The following LRRIQ3 variants were observed in gnomAD, a reference collection of about 807,000 sequenced individuals.
LRRIQ3 encodes leucine rich repeats and IQ motif containing 3.
In LRRIQ3, 75 loss-of-function variants were observed where a neutral mutation model predicts 59.3. The observed-to-expected ratio is 1.26, with a 90% confidence interval of 1.05 to 1.53. The LOEUF is 1.53. LRRIQ3 is among the 40% of genes most tolerant of loss of function. The probability of loss-of-function intolerance (pLI) is 0.00; values close to 1 mark genes in which losing one functional copy is unlikely to be tolerated. For synonymous variants in LRRIQ3, 250 were observed against 231.3 expected (o/e 1.08, Z -0.73); for missense variants, 831 against 710.0 (o/e 1.17, Z -1.94).
chr1:74,090,558 T>C (rs528463593), intron 5 of LRRIQ3, among the ~76,000 whole-genome samples: 1 of 151,990 alleles, frequency 6.6e-6, no homozygotes, highest in South Asian at 2.1e-4. Context: ...AAAATATAAA[T>C]TTGGACTAAT....
intron 5 of LRRIQ3, among the ~76,000 whole-genome samples, chr1:74,081,122 T>C (rs1646269348): frequency 6.6e-6 from 1 of 151,574 alleles, no homozygotes; most frequent in African/African-American, 2.4e-5. Context: ...TCTTACTTTA[T>C]CTTAAGAGAG....
intron 6 of LRRIQ3, among the ~76,000 whole-genome samples, chr1:74,073,607 C>T (rs1338019312): frequency 2.3e-5 from 1 of 43,244 alleles, no homozygotes; most frequent in Non-Finnish European, 7.7e-5. Flanking sequence ...ACAGTCCATT[C>T]TTTAAAAAAA....
At chr1:74,189,179 C>T (rs1650596174) in intron 1 of LRRIQ3, among the ~76,000 whole-genome samples, 1 of 152,074 alleles carries the variant, frequency 6.6e-6, no homozygotes. Context: ...TTGACCTGTC[C>T]TCTCCATGTC....
intron 6 of LRRIQ3, among the ~76,000 whole-genome samples, chr1:74,065,850 G>A (rs1227993587): frequency 6.6e-6 from 1 of 152,042 alleles, no homozygotes; most frequent in Non-Finnish European, 1.5e-5. Context: ...TCAGGTTAAC[G>A]TTGAAGCATT....
chr1:74,138,919 C>T lies in LRRIQ3; in HGVS notation c.707+16814G>A, dbSNP rs372164730. ...ATAGGAGAGTGGCTGGGCGTGGTGG[C>T]TCATGCCTGTAATATGTCACTTTGG... On this transcript the variant is annotated intron_variant, in intron 4 of 7. Transcript: ENST00000354431. Among the ~76,000 whole-genome samples, 32 of 151,738 alleles carry T rather than the reference C, an allele frequency of 2.1e-4. No homozygotes were observed. The East Asian group carries it at 5.3e-3, about 25-fold the overall frequency.
intron 5 of LRRIQ3, among the ~76,000 whole-genome samples, chr1:74,075,397 T>A (rs2100481654): frequency 6.6e-6 from 1 of 152,012 alleles, no homozygotes; most frequent in Non-Finnish European, 1.5e-5. Context: ...CGAAACCCTG[T>A]CTCTACTAAA....
At chr1:74,184,925 C>A (rs1313469148) in intron 1 of LRRIQ3, among the ~76,000 whole-genome samples, 2 of 152,126 alleles carry the variant, frequency 1.3e-5, no homozygotes, top group African/African-American at 4.8e-5. Flanking sequence ...AGATATAAGT[C>A]TTTCCTCATT....
At chr1:74,108,945 TGG>T (rs1646650384) in intron 5 of LRRIQ3, 1 of 354,896 alleles carries the variant, frequency 2.8e-6, no homozygotes, top group Admixed American at 3.8e-5. Flanking sequence ...GCACAGTGCC[TGG>T]GATATAGTAG....
intron 6 of LRRIQ3, among the ~76,000 whole-genome samples, chr1:74,058,854 T>A (rs989456213): frequency 6.6e-6 from 1 of 152,056 alleles, no homozygotes; most frequent in Non-Finnish European, 1.5e-5. Context: ...TTATTATGTA[T>A]TAATTACAAA....
chr1:74,048,261 G>C (rs6424572), intron 6 of LRRIQ3, among the ~76,000 whole-genome samples: 1 of 152,030 alleles, frequency 6.6e-6, no homozygotes, highest in Non-Finnish European at 1.5e-5. Flanking sequence ...AGTGCTCAGA[G>C]ACATTGATCA....
At chr1:74,176,591 A>G (rs184713019) in intron 3 of LRRIQ3, among the ~76,000 whole-genome samples, 1 of 152,148 alleles carries the variant, frequency 6.6e-6, no homozygotes, top group African/African-American at 2.4e-5. Flanking sequence ...CATGAAAGTT[A>G]TATCTTTTAT....
At chr1:74,123,822 T>C (rs1179669987) in intron 4 of LRRIQ3, among the ~76,000 whole-genome samples, 1 of 152,000 alleles carries the variant, frequency 6.6e-6, no homozygotes, top group Non-Finnish European at 1.5e-5. Flanking sequence ...GGGTATGTCC[T>C]TAGCAGTGGG....
chr1:74,046,335 C>T (rs1420629916), intron 6 of LRRIQ3, among the ~76,000 whole-genome samples: 1 of 152,052 alleles, frequency 6.6e-6, no homozygotes, highest in African/African-American at 2.4e-5. Context: ...TTCAACAAAC[C>T]TGACAAAAAC....
chr1:74,035,733 T>C (rs1228047891), intron 7 of LRRIQ3, among the ~76,000 whole-genome samples: 2 of 152,146 alleles, frequency 1.3e-5, no homozygotes, highest in African/African-American at 4.8e-5. Flanking sequence ...TTAGAGGCTC[T>C]TTTTAATCAA....
intron 4 of LRRIQ3, among the ~76,000 whole-genome samples, chr1:74,109,756 T>G (rs992245877): frequency 6.6e-6 from 1 of 151,808 alleles, no homozygotes; most frequent in African/African-American, 2.4e-5. Context: ...AAATGAATGC[T>G]GAGAAATTTC....
chr1:74,041,618 T>C lies in LRRIQ3; in HGVS notation c.1313A>G (p.Glu438Gly). Residue 438 changes from glutamate to glycine, a missense_variant, in exon 7 of 8, where the codon GAA (glutamate) becomes GGA (glycine). Coordinates refer to ENST00000354431, the MANE Select transcript of LRRIQ3 (RefSeq NM_001105659.2). ...TEQKKQEYHK[E>G]KVRVVAMAQV... The stretch of plus-strand genomic sequence containing the variant: ...TGCCATGGCTACAACTCTTACTTTT[T>C]CTTTATGGTATTCCTGCTTCTTTTG... The C allele has an allele frequency of 1.9e-6, 3 of 1,613,840 alleles. No individual in the cohort carries two copies. Among genetic ancestry groups the C allele is most frequent in the African/African-American group, 1.3e-5 (1 of 75,046 alleles).
chr1:74,065,418 G>A (rs1190670362), intron 6 of LRRIQ3, among the ~76,000 whole-genome samples: 26 of 152,062 alleles, frequency 1.7e-4, no homozygotes. Flanking sequence ...CATTTTCAAA[G>A]GTGAATCATA....
At chr1:74,170,365 T>C (rs1435556312) in intron 3 of LRRIQ3, among the ~76,000 whole-genome samples, 1 of 152,172 alleles carries the variant, frequency 6.6e-6, no homozygotes, top group East Asian at 1.9e-4. Flanking sequence ...AAAGGTCCAA[T>C]TTCATTCTTT....
At chr1:74,100,897 C>T (rs553786935) in intron 5 of LRRIQ3, among the ~76,000 whole-genome samples, 1 of 152,068 alleles carries the variant, frequency 6.6e-6, no homozygotes, top group Non-Finnish European at 1.5e-5. Context: ...ACACCTTATA[C>T]AAAAATTAAT....
Sources: gnomAD v4.1 joint callset for allele counts (sites outside exome capture counted in the v4.1 genomes callset) on GRCh38, gnomAD v4.1.1 for gene constraint, MANE v1.5 for transcripts, NCBI Gene and HGNC (gene_info 2026-07-23, HGNC 2026-07-21) for gene names.